The following ATR variants were observed in gnomAD, a reference collection of about 807,000 sequenced individuals.
ATR encodes serine/threonine-protein kinase ATR.
ATR carries 142 observed loss-of-function variants against 305.3 expected under a neutral mutation model. The ratio of observed to expected loss-of-function variants is 0.47; its 90% CI spans 0.41 to 0.53. The LOEUF is 0.53. ATR is among the 20% of genes least tolerant of loss of function. ATR has a pLI of 0.00. For missense variants in ATR, 2,135 were observed against 3,133.1 expected (o/e 0.68, Z 7.60); for synonymous variants, 1,050 against 1,068.1 (o/e 0.98, Z 0.33).
intron 18 of ATR, 135 bp from the exon 19 acceptor site, chr3:142,538,760 G>T: frequency 1.7e-6 from 2 of 1,155,324 alleles, no homozygotes; most frequent in Non-Finnish European, 2.5e-6. Context: ...ATGGAATAAA[G>T]ATCAGTGCTA....
chr3:142,511,594 T>C (rs1308976064), intron 27 of ATR, among the ~76,000 whole-genome samples: 1 of 151,756 alleles, frequency 6.6e-6, no homozygotes, highest in Non-Finnish European at 1.5e-5. Flanking sequence ...AGGTAGAGGT[T>C]GCAGTGAGCC....
chr3:142,563,254 GT>G, intron 3 of ATR, 145 bp from the exon 4 acceptor site: 1 of 873,074 alleles, frequency 1.1e-6, no homozygotes, highest in Non-Finnish European at 1.7e-6. Context: ...AAACATAATA[GT>G]TTAGAACACA....
intron 13 of ATR, among the ~76,000 whole-genome samples, chr3:142,552,966 G>A (rs374755208): frequency 2.6e-5 from 4 of 151,724 alleles, no homozygotes; most frequent in African/African-American, 9.7e-5. Flanking sequence ...AGGGGGGTGG[G>A]GGAAGGGAGA....
intron 36 of ATR, among the ~76,000 whole-genome samples, chr3:142,473,794 C>A (rs1359007456): frequency 1.3e-5 from 2 of 152,050 alleles, no homozygotes; most frequent in Non-Finnish European, 2.9e-5. Context: ...AATCCACCCA[C>A]CTCAGCCTCG....
intron 19 of ATR, 42 bp downstream of exon 19, chr3:142,538,440 T>C: frequency 6.3e-7 from 1 of 1,583,948 alleles, no homozygotes; most frequent in South Asian, 1.1e-5. Context: ...AAAAATACAG[T>C]TTAAAAAGTT....
chr3:142,470,654 A>C (rs2071240205), intron 36 of ATR, among the ~76,000 whole-genome samples: 1 of 152,114 alleles, frequency 6.6e-6, no homozygotes, highest in African/African-American at 2.4e-5. Context: ...CCCCTTATTA[A>C]AAAACAGGAA....
intron 29 of ATR, among the ~76,000 whole-genome samples, chr3:142,504,526 G>A (rs1381522242): frequency 2.6e-5 from 4 of 151,214 alleles, no homozygotes; most frequent in African/African-American, 9.7e-5. Context: ...GCAATGGTAT[G>A]ATCTTGGCTC....
rs2108473065 is a variant in ATR at position 142,556,476 on chromosome 3, C to T, written c.1985G>A (p.Ser662Asn). The stretch of plus-strand genomic sequence containing the variant: ...ACTAGCCCGGATTACTTCATGGGAG[C>T]TCTGCAGGGCCCAGTTGTAAACTGC... ...RTAVYNWALQSSHEVIRASCV... is the reference protein window; with the variant it reads ...RTAVYNWALQNSHEVIRASCV... Residue 662 changes from serine to asparagine, a missense_variant, in exon 9 of 47, where the codon AGC becomes AAC. Around this residue, in one of 9 missense-constraint regions of ATR, gnomAD observed 744 missense variants for 873.2 expected, o/e 0.85. Coordinates refer to ENST00000350721, the MANE Select transcript of ATR (RefSeq NM_001184.4). 6.2e-7 allele frequency: 1 copy of T among 1,614,078 alleles called. No individual in the cohort carries two copies. Among genetic ancestry groups the T allele is most frequent in the Non-Finnish European group, 8.5e-7 (1 of 1,179,946 alleles).
At chr3:142,470,044 A>G (rs1158299456) in intron 37 of ATR, 42 bp downstream of exon 37, 15 of 1,476,266 alleles carry the variant, frequency 1.0e-5, no homozygotes, top group South Asian at 2.3e-5. Context: ...TACCAAAGTT[A>G]TAATTCCTAG....
At chr3:142,538,146 A>G (rs2033923394) in intron 19 of ATR, among the ~76,000 whole-genome samples, 1 of 152,212 alleles carries the variant, frequency 6.6e-6, no homozygotes, top group African/African-American at 2.4e-5. Flanking sequence ...TAAGCTGCAG[A>G]AAGTAGGTAT....
intron 39 of ATR, among the ~76,000 whole-genome samples, chr3:142,467,010 A>G (rs933423552): frequency 6.6e-6 from 1 of 152,196 alleles, no homozygotes. Context: ...GTTGGCCACC[A>G]TAACACTGTT....
At chr3:142,572,286 G>A (rs540533853) in intron 1 of ATR, among the ~76,000 whole-genome samples, 3 of 145,540 alleles carry the variant, frequency 2.1e-5, no homozygotes, top group South Asian at 4.3e-4. Context: ...AGCCAGGATG[G>A]TTTCGATTTA....
intron 7 of ATR, 101 bp from the exon 8 acceptor site, chr3:142,558,877 G>A: frequency 8.2e-7 from 1 of 1,220,282 alleles, no homozygotes; most frequent in Non-Finnish European, 1.2e-6. Flanking sequence ...AATGATCATT[G>A]GATAAGCAGA....
In ATR at chr3:142,506,537, A is replaced by C. The variant is rs143270662; in HGVS notation, c.5032-1234T>G. Among the ~76,000 whole-genome samples, 766 of 152,092 alleles carry C rather than the reference A, an allele frequency of 5.0e-3. 6 individuals are homozygous for C. The highest frequency in any genetic ancestry group is 0.018 in the African/African-American group (732 of 41,476). ...CCCCGTCTCTACAAAAAATACAAAA[A>C]ATTAGCCAGGTGTGGTAGCAGCGCC... is the stretch of plus-strand genomic sequence containing the variant. On this transcript the variant is annotated intron_variant, in intron 28 of 46. Coordinates refer to ENST00000350721, the MANE Select transcript of ATR (RefSeq NM_001184.4).
chr3:142,484,034 G>T (rs1367880028), intron 36 of ATR, among the ~76,000 whole-genome samples: 1 of 151,976 alleles, frequency 6.6e-6, no homozygotes, highest in Non-Finnish European at 1.5e-5. Context: ...ACATATATTG[G>T]TTTTAGTTCA....
chr3:142,499,523 T>G (rs1019508509), intron 31 of ATR, 104 bp downstream of exon 31: 19 of 971,952 alleles, frequency 2.0e-5, no homozygotes, highest in Non-Finnish European at 2.0e-5. Flanking sequence ...CTCGATCTCC[T>G]GACCTCATGA....
At chr3:142,541,162 G>A (rs1300778633) in intron 17 of ATR, 128 bp from the exon 18 acceptor site, 2 of 1,234,936 alleles carry the variant, frequency 1.6e-6, no homozygotes, top group East Asian at 4.9e-5. Flanking sequence ...ACAAAAGATT[G>A]AATAAATGTT....
Position 142,503,469 on chromosome 3 carries a change from T to C in ATR, c.5197-16A>G. 6.6e-7 allele frequency: 1 copy of C among 1,514,328 alleles called. No individual in the cohort carries two copies. Among genetic ancestry groups the C allele is most frequent in the Non-Finnish European group, 9.1e-7 (1 of 1,095,120 alleles). 93.8% of individuals were successfully genotyped at this position (1,514,328 alleles called of 1,614,324 possible). A position where few individuals can be genotyped will look rare whatever the true frequency, so the allele number is the denominator to read the frequency against. On this transcript the variant is annotated splice_polypyrimidine_tract_variant and intron_variant, in intron 29 of 46. Transcript: ENST00000350721. ...AATGAATGATCTAGAAATTTAAAAA[T>C]ATTTAAAATAGCAATTATCACTTCA...
rs2229032 is a variant in ATR, at chr3:142,459,302, C to T, written c.7274G>A (p.Arg2425Gln). 236,747 of 1,613,772 alleles carry T rather than the reference C, an allele frequency of 0.15. 18,203 individuals are homozygous for T. Among genetic ancestry groups the T allele is most frequent in the Non-Finnish European group, 0.16 (188,195 of 1,179,808 alleles). Residue 2425 changes from arginine to glutamine, a missense_variant, in exon 43 of 47, where the codon CGA (arginine) becomes CAA (glutamine). Around this residue, in one of 9 missense-constraint regions of ATR, gnomAD observed 462 missense variants for 887.6 expected, o/e 0.52. Transcript: ENST00000350721. ...AGGATGCCTGGGCAGGAGAAATTCT[C>T]GGAATACTTTGAGTTTTTCAGATAA... ...AALSEKLKVFREFLLPRHPPI... is the reference protein window; with the variant it reads ...AALSEKLKVFQEFLLPRHPPI...
Sources: allele counts gnomAD v4.1 joint callset (sites outside exome capture counted in the v4.1 genomes callset), GRCh38; gene constraint gnomAD v4.1.1; regional missense constraint gnomAD v4.1.1; transcripts MANE v1.5; gene names NCBI Gene and HGNC (gene_info 2026-07-23, HGNC 2026-07-21).